SPMIP2: variants seen among roughly 807,000 people sequenced by gnomAD.
SPMIP2 encodes protein SPMIP2.
the SPMIP2 span, among the ~76,000 whole-genome samples, chr4:158,899,947 G>A: frequency 3.9e-5 from 6 of 151,982 alleles, no homozygotes; most frequent in Admixed American, 6.6e-5. Flanking sequence ...TTAGGGTGTC[G>A]ATTTTAGATC....
the SPMIP2 span, among the ~76,000 whole-genome samples, chr4:158,917,293 G>A: frequency 1.7e-3 from 260 of 151,976 alleles, no homozygotes; most frequent in African/African-American, 5.8e-3. Context: ...TGGGTGTGGT[G>A]GTGCACGCCT....
At chr4:158,983,857 A>C in the SPMIP2 span, among the ~76,000 whole-genome samples, 1 of 84,768 alleles carries the variant, frequency 1.2e-5, no homozygotes, top group Admixed American at 1.5e-4. Context: ...GGCAAATTGG[A>C]TAAAGAGTCA....
the SPMIP2 span, among the ~76,000 whole-genome samples, chr4:158,996,395 G>A: frequency 6.6e-6 from 1 of 152,048 alleles, no homozygotes; most frequent in African/African-American, 2.4e-5. Context: ...TAGCATAAAT[G>A]TGCATGGTAT....
chr4:158,995,983 G>A, the SPMIP2 span, among the ~76,000 whole-genome samples: 1 of 151,202 alleles, frequency 6.6e-6, no homozygotes, highest in Non-Finnish European at 1.5e-5. Flanking sequence ...TAGCCGTTTC[G>A]TGACTATGTG....
the SPMIP2 span, among the ~76,000 whole-genome samples, chr4:158,902,667 T>C: frequency 6.6e-6 from 1 of 152,240 alleles, no homozygotes; most frequent in African/African-American, 2.4e-5. Context: ...TGCCTTTTTT[T>C]CAGAGATGCC....
the SPMIP2 span, among the ~76,000 whole-genome samples, chr4:158,998,474 T>G: frequency 5.3e-5 from 8 of 152,266 alleles, no homozygotes; most frequent in African/African-American, 9.6e-5. Flanking sequence ...ACTTTTTATT[T>G]GTACAATAAC....
the SPMIP2 span, among the ~76,000 whole-genome samples, chr4:159,037,783 TATACAC>T: frequency 0.026 from 2,566 of 97,578 alleles, 76 homozygotes; most frequent in African/African-American, 0.086. Flanking sequence ...AAAAACAATA[TATACAC>T]ACACACACAC....
At chr4:158,941,352 A>C in the SPMIP2 span, among the ~76,000 whole-genome samples, 1 of 152,216 alleles carries the variant, frequency 6.6e-6, no homozygotes, top group Non-Finnish European at 1.5e-5. Flanking sequence ...TGAATGCCTC[A>C]ACCAAGCTTT....
chr4:158,909,616 C>T, the SPMIP2 span, among the ~76,000 whole-genome samples: 6 of 150,472 alleles, frequency 4.0e-5, no homozygotes, highest in Non-Finnish European at 5.9e-5. Context: ...CACTTTGTCA[C>T]CAGGATGGAG....
At chr4:159,008,060 G>T in the SPMIP2 span, among the ~76,000 whole-genome samples, 1 of 152,040 alleles carries the variant, frequency 6.6e-6, no homozygotes, top group Non-Finnish European at 1.5e-5. Flanking sequence ...AACATACTGA[G>T]AACTCTCTCT....
the SPMIP2 span, chr4:159,007,695 C>T: frequency 1.1e-5 from 8 of 703,504 alleles, no homozygotes; most frequent in Admixed American, 3.7e-5. Context: ...GGTGCACCAG[C>T]GAGATGAGGC....
chr4:158,901,004 A>G, the SPMIP2 span, among the ~76,000 whole-genome samples: 163 of 152,150 alleles, frequency 1.1e-3, no homozygotes, highest in Non-Finnish European at 1.9e-3. Flanking sequence ...TGCTTCCTTC[A>G]GGAGCTCTTG....
chr4:159,007,239 CAT>C, the SPMIP2 span: 1 of 1,391,066 alleles, frequency 7.2e-7, no homozygotes, highest in South Asian at 1.1e-5. Flanking sequence ...CACAGAAAAT[CAT>C]ATACTTGAAT....
chr4:158,970,449 A>G, the SPMIP2 span, among the ~76,000 whole-genome samples: 3 of 152,052 alleles, frequency 2.0e-5, no homozygotes, highest in Non-Finnish European at 4.4e-5. Flanking sequence ...CCGAGGTAGG[A>G]GGATTGCTTG....
At chr4:158,952,834 G>A in the SPMIP2 span, among the ~76,000 whole-genome samples, 1 of 152,228 alleles carries the variant, frequency 6.6e-6, no homozygotes, top group East Asian at 1.9e-4. Flanking sequence ...TTAGGTTTTA[G>A]CAAAGAGACT....
At chr4:158,928,805 A>C in the SPMIP2 span, among the ~76,000 whole-genome samples, 80 of 152,144 alleles carry the variant, frequency 5.3e-4, no homozygotes, top group Middle Eastern at 0.014. Context: ...AGCCAGCGAG[A>C]CCACGAGCCC....
At chr4:158,942,856 C>A in the SPMIP2 span, among the ~76,000 whole-genome samples, 1 of 152,170 alleles carries the variant, frequency 6.6e-6, no homozygotes, top group Non-Finnish European at 1.5e-5. Flanking sequence ...TCTATCACTG[C>A]ATCCTAATAT....
the SPMIP2 span, among the ~76,000 whole-genome samples, chr4:159,042,177 G>A: frequency 6.6e-6 from 1 of 152,052 alleles, no homozygotes; most frequent in African/African-American, 2.4e-5. Context: ...TCCTAGTTTA[G>A]TATCTTTCCC....
the SPMIP2 span, among the ~76,000 whole-genome samples, chr4:159,081,241 G>T: frequency 6.6e-6 from 1 of 152,040 alleles, no homozygotes; most frequent in African/African-American, 2.4e-5. Context: ...GTTTTGCCAT[G>T]TTGGCCAGAT....
Sources: gnomAD v4.1 joint callset for allele counts (sites outside exome capture counted in the v4.1 genomes callset) on GRCh38, gnomAD v4.1.1 for gene constraint, MANE v1.5 for transcripts, NCBI Gene and HGNC (gene_info 2026-07-23, HGNC 2026-07-21) for gene names.